Variants in XIRP2 observed in about 807,000 individuals in gnomAD.
XIRP2 encodes the protein xin actin binding repeat containing 2, also known as xin actin-binding repeat-containing protein 2.
In XIRP2, 236 loss-of-function variants were observed where a neutral mutation model predicts 277.0. That is an observed-to-expected ratio of 0.85 (90% CI 0.77 to 0.95). The LOEUF (loss-of-function observed/expected upper bound fraction) is 0.95, where lower values mean the gene tolerates loss of function less well. XIRP2 is among the 40% of genes least tolerant of loss of function. The probability of loss-of-function intolerance (pLI) is 0.00; values close to 1 mark genes in which losing one functional copy is unlikely to be tolerated. For synonymous variants in XIRP2, 1,490 were observed against 1,416.5 expected (o/e 1.05, Z -1.17); for missense variants, 4,640 against 4,157.5 (o/e 1.12, Z -3.19).
chr2:167,227,592 A>T (rs1214612863), intron 5 of XIRP2, among the ~76,000 whole-genome samples: 1 of 152,080 alleles, frequency 6.6e-6, no homozygotes, highest in East Asian at 1.9e-4. Flanking sequence ...TTGTAGTCCC[A>T]GCTACTCAGG....
At chr2:167,103,935 T>C (rs1023734941) in intron 2 of XIRP2, among the ~76,000 whole-genome samples, 29 of 152,200 alleles carry the variant, frequency 1.9e-4, no homozygotes, top group African/African-American at 6.8e-4. Context: ...TTTTCTGCTC[T>C]AATCTGTACT....
intron 2 of XIRP2, among the ~76,000 whole-genome samples, chr2:166,971,232 T>A (rs1686567532): frequency 6.6e-6 from 1 of 152,048 alleles, no homozygotes; most frequent in South Asian, 2.1e-4. Context: ...ATATGCTACA[T>A]CAGGGCAGGA....
At position 167,243,688 on chromosome 2, in the gene XIRP2, G is replaced by A; in HGVS notation, c.2296G>A (p.Asp766Asn). Residue 766 changes from aspartate to asparagine, a missense_variant, in exon 9 of 11, where the codon GAT becomes AAT. Coordinates refer to ENST00000409195, the MANE Select transcript of XIRP2 (RefSeq NM_152381.6). ...TCACAGAGAAGACGTTGAAAAGGGA[G>A]ATGTAAGAACAGCACGGTGGATGTT... Reference protein sequence around the residue: ...TVHREDVEKGDVRTARWMFET... With the variant: ...TVHREDVEKGNVRTARWMFET... 6.2e-7 allele frequency: 1 copy of A among 1,614,052 alleles called. No homozygotes were observed. The highest frequency in any genetic ancestry group is 8.5e-7 in the Non-Finnish European group (1 of 1,179,966).
intron 2 of XIRP2, among the ~76,000 whole-genome samples, chr2:166,924,885 TA>T (rs1339221682): frequency 6.6e-6 from 1 of 152,078 alleles, no homozygotes; most frequent in Non-Finnish European, 1.5e-5. Context: ...AACTACCATT[TA>T]AATGTTAATT....
At chr2:167,199,502 G>C (rs149246140) in intron 3 of XIRP2, among the ~76,000 whole-genome samples, 74 of 152,258 alleles carry the variant, frequency 4.9e-4, no homozygotes, top group African/African-American at 1.5e-3. Flanking sequence ...TGAAAGAAAG[G>C]GTTGATCATT....
intron 2 of XIRP2, among the ~76,000 whole-genome samples, chr2:167,006,424 A>G (rs544810533): frequency 6.6e-6 from 1 of 151,868 alleles, no homozygotes; most frequent in African/African-American, 2.4e-5. Context: ...AAAACCTTGT[A>G]TACAAAGAAC....
At chr2:167,201,170 GAGAA>G (rs1376380198) in intron 3 of XIRP2, among the ~76,000 whole-genome samples, 2 of 145,028 alleles carry the variant, frequency 1.4e-5, no homozygotes, top group African/African-American at 2.6e-5. Flanking sequence ...GAGAGAGAGA[GAGAA>G]AGAAAGAGAG....
At chr2:167,135,804 C>A in intron 2 of XIRP2, 105 bp from the exon 3 acceptor site, 2 of 1,146,098 alleles carry the variant, frequency 1.7e-6, no homozygotes, top group Non-Finnish European at 2.4e-6. Context: ...TCCCTCATGA[C>A]AGAAATCCCT....
At chr2:167,215,369 A>C (rs1197278728) in intron 4 of XIRP2, among the ~76,000 whole-genome samples, 1 of 152,202 alleles carries the variant, frequency 6.6e-6, no homozygotes, top group Non-Finnish European at 1.5e-5. Flanking sequence ...ACATATTTTG[A>C]AATATTTGAT....
intron 3 of XIRP2, among the ~76,000 whole-genome samples, chr2:167,203,094 G>GAT (rs1312324972): frequency 6.6e-6 from 1 of 152,082 alleles, no homozygotes; most frequent in Non-Finnish European, 1.5e-5. Flanking sequence ...GATAACCTAG[G>GAT]ATAATCTTCC....
At chr2:167,006,314 A>G (rs1687502075) in intron 2 of XIRP2, among the ~76,000 whole-genome samples, 1 of 151,690 alleles carries the variant, frequency 6.6e-6, no homozygotes, top group African/African-American at 2.4e-5. Flanking sequence ...AGGAGCCCAC[A>G]GTTCAATGGT....
intron 2 of XIRP2, among the ~76,000 whole-genome samples, chr2:166,951,564 A>G (rs1481499909): frequency 2.0e-5 from 3 of 152,014 alleles, no homozygotes; most frequent in Non-Finnish European, 4.4e-5. Flanking sequence ...GTAAATGAAA[A>G]GAGATTCCTT....
intron 2 of XIRP2, among the ~76,000 whole-genome samples, chr2:167,100,634 G>C (rs1690461543): frequency 6.6e-6 from 1 of 152,184 alleles, no homozygotes; most frequent in African/African-American, 2.4e-5. Context: ...AGCATATGTT[G>C]CGTAGAATTG....
At chr2:167,174,289 A>G (rs1692777123) in intron 3 of XIRP2, among the ~76,000 whole-genome samples, 1 of 152,142 alleles carries the variant, frequency 6.6e-6, no homozygotes. Context: ...CCTCAATTTC[A>G]GAGCCTGTTA....
chr2:167,254,828 A>G (rs912577781), intron 10 of XIRP2, among the ~76,000 whole-genome samples: 1 of 151,502 alleles, frequency 6.6e-6, no homozygotes, highest in African/African-American at 2.4e-5. Context: ...AAATGCATTC[A>G]TTTTCCAAAA....
chr2:167,175,293 G>T (rs976097661), intron 3 of XIRP2, among the ~76,000 whole-genome samples: 1 of 152,144 alleles, frequency 6.6e-6, no homozygotes, highest in African/African-American at 2.4e-5. Flanking sequence ...GGCTCTTCTT[G>T]TTGAATTGAT....
intron 3 of XIRP2, among the ~76,000 whole-genome samples, chr2:167,166,274 C>T (rs985335493): frequency 6.6e-6 from 1 of 152,004 alleles, no homozygotes; most frequent in Non-Finnish European, 1.5e-5. Flanking sequence ...TTTCTCATTT[C>T]ATTCTGTTAT....
chr2:167,215,096 C>T (rs1261299841), intron 4 of XIRP2, among the ~76,000 whole-genome samples: 1 of 152,080 alleles, frequency 6.6e-6, no homozygotes, highest in Non-Finnish European at 1.5e-5. Flanking sequence ...TATAGATTAT[C>T]TATATATAAT....
At chr2:167,090,007 G>A (rs1176324953) in intron 2 of XIRP2, among the ~76,000 whole-genome samples, 1 of 152,120 alleles carries the variant, frequency 6.6e-6, no homozygotes, top group African/African-American at 2.4e-5. Context: ...TTTGTGCTAA[G>A]AGATTAAAAG....
Sources: gnomAD v4.1 joint callset for allele counts (sites outside exome capture counted in the v4.1 genomes callset) on GRCh38, gnomAD v4.1.1 for gene constraint, MANE v1.5 for transcripts, NCBI Gene and HGNC (gene_info 2026-07-23, HGNC 2026-07-21) for gene names.